Variants in SERPINA12 observed in about 807,000 individuals in gnomAD.
SERPINA12 encodes serpin A12.
Under a neutral mutation model 25.9 loss-of-function variants are expected in SERPINA12, and 21 were observed. The ratio of observed to expected loss-of-function variants is 0.81; its 90% confidence interval spans 0.58 to 1.17. SERPINA12 has a LOEUF of 1.17. Among genes scored for constraint, SERPINA12 ranks in the 50% most tolerant of loss-of-function variants. SERPINA12 has a pLI of 0.00. For missense variants in SERPINA12, 562 were observed against 508.3 expected (o/e 1.11, Z -1.02); for synonymous variants, 220 against 196.0 (o/e 1.12, Z -1.02).
At chr14:94,517,088 C>T (rs538927984) in intron 1 of SERPINA12, among the ~76,000 whole-genome samples, 17 of 152,350 alleles carry the variant, frequency 1.1e-4, no homozygotes, top group South Asian at 4.1e-4. Context: ...TGGCTCTCTG[C>T]GTCCCAGCAG....
chr14:94,489,256 G>GAGAGAAAGAGAT (rs1218824415), intron 4 of SERPINA12, among the ~76,000 whole-genome samples: 4 of 151,802 alleles, frequency 2.6e-5, no homozygotes, highest in African/African-American at 7.3e-5. Context: ...GAGAAAGAGA[G>GAGAGAAAGAGAT]AAAGAAAGAG....
In SERPINA12 at chr14:94,493,963, G is replaced by A. The variant is rs1595687875; in HGVS notation, c.905+2410C>T. Among the ~76,000 whole-genome samples the A allele has an allele frequency of 1.3e-5, 2 of 152,318 alleles. 1 individual carries two copies. The highest frequency in any genetic ancestry group is 1.3e-4 in the Admixed American group (2 of 15,310). On this transcript the variant is annotated intron_variant, in intron 3 of 4. Coordinates refer to ENST00000677451, the MANE Select transcript of SERPINA12 (RefSeq NM_001382267.1). ...AGGGCCTCAGTGAGGGGAATGTGAA[G>A]CCCCCAGTGTAGCACCTGAGCTGTA... is the stretch of plus-strand genomic sequence containing the variant.
intron 1 of SERPINA12, among the ~76,000 whole-genome samples, chr14:94,502,912 G>C (rs944908481): frequency 3.9e-5 from 6 of 152,160 alleles, no homozygotes; most frequent in African/African-American, 1.4e-4. Flanking sequence ...GGCCCTCTGA[G>C]ATGCCACCTT....
At chr14:94,499,327 T>C (rs777713086) in intron 1 of SERPINA12, among the ~76,000 whole-genome samples, 4 of 152,154 alleles carry the variant, frequency 2.6e-5, no homozygotes, top group Non-Finnish European at 5.9e-5. Flanking sequence ...GCTCCTTTCA[T>C]CCACCTCTCA....
intron 1 of SERPINA12, chr14:94,501,059 A>T: frequency 1.0e-6 from 1 of 985,432 alleles, no homozygotes; most frequent in Non-Finnish European, 1.2e-6. Context: ...GTGATGAACA[A>T]GGGCTCTATG....
intron 1 of SERPINA12, among the ~76,000 whole-genome samples, chr14:94,508,264 T>G (rs1020582828): frequency 6.6e-6 from 1 of 152,274 alleles, no homozygotes; most frequent in African/African-American, 2.4e-5. Flanking sequence ...TAATTGATTT[T>G]GAAAGAAAAT....
intron 4 of SERPINA12, 69 bp from the exon 5 acceptor site, chr14:94,487,563 G>C: frequency 3.0e-6 from 4 of 1,328,376 alleles, no homozygotes; most frequent in Non-Finnish European, 4.1e-6. Flanking sequence ...CGGAGGCCCA[G>C]AGAGGATCAG....
rs1445117727 is a variant in SERPINA12 at position 94,489,622 on chromosome 14, C to A, written c.1051G>T (p.Glu351Ter). Residue 351 changes from glutamate to a stop codon, truncating the protein, a stop_gained and splice_region_variant, in exon 4 of 5, where the codon GAG becomes TAG. Coordinates refer to ENST00000677451, the MANE Select transcript of SERPINA12 (RefSeq NM_001382267.1). LOFTEE classifies it low-confidence loss of function (END_TRUNC). ...IAPHRSLKVG[E>*]AVHKAELKMD... ...GAGTCCAGGCTAGGCAGGCTTACCT[C>A]GCCCACTTTCAGGCTGCGATGAGGG... The A allele has an allele frequency of 2.5e-6, 4 of 1,613,746 alleles. No homozygotes were observed. In the South Asian group the frequency reaches 3.3e-5, roughly 13 times the overall value.
chr14:94,490,667 T>G (rs1030893178), intron 3 of SERPINA12, among the ~76,000 whole-genome samples: 3 of 152,100 alleles, frequency 2.0e-5, no homozygotes, highest in Non-Finnish European at 4.4e-5. Flanking sequence ...CTTTTCTTCC[T>G]TTTATAGCAG....
In SERPINA12 at chr14:94,498,414, C is replaced by A; in HGVS notation, c.-17G>T. 6.2e-7 allele frequency: 1 copy of A among 1,609,262 alleles called. No individual in the cohort carries two copies. Among genetic ancestry groups the A allele is most frequent in the Non-Finnish European group, 8.5e-7 (1 of 1,177,520 alleles). On this transcript the variant is annotated 5_prime_UTR_variant, in exon 2 of 5. Transcript: ENST00000677451. The stretch of plus-strand genomic sequence containing the variant: ...GGGGTTCATTTTCCTTGAAGAATAT[C>A]CTGTTGAGTAGTAGACCTGAGGTCA...
intron 1 of SERPINA12, among the ~76,000 whole-genome samples, chr14:94,508,807 T>G (rs996491275): frequency 6.6e-6 from 1 of 152,090 alleles, no homozygotes; most frequent in Non-Finnish European, 1.5e-5. Context: ...AGTAAAAAAT[T>G]TGGGTAAATA....
chr14:94,498,541 T>TCA, intron 1 of SERPINA12, 111 bp from the exon 2 acceptor site: 1 of 860,332 alleles, frequency 1.2e-6, no homozygotes, highest in Non-Finnish European at 1.8e-6. Flanking sequence ...TACATAGCAG[T>TCA]TTATGAGTGC....
chr14:94,489,619 C>T lies in SERPINA12; in HGVS notation c.1053+1G>A. 7.4e-6 allele frequency: 12 copies of T among 1,613,800 alleles called. No individual in the cohort carries two copies. Among genetic ancestry groups the T allele is most frequent in the Non-Finnish European group, 1.0e-5 (12 of 1,179,854 alleles). The stretch of plus-strand genomic sequence containing the variant: ...GTGGAGTCCAGGCTAGGCAGGCTTA[C>T]CTCGCCCACTTTCAGGCTGCGATGA... On this transcript the variant is annotated splice_donor_variant, in intron 4 of 4. Coordinates refer to ENST00000677451, the MANE Select transcript of SERPINA12 (RefSeq NM_001382267.1). LOFTEE classifies it high-confidence loss of function.
chr14:94,495,406 A>G (rs1033847894), intron 3 of SERPINA12, among the ~76,000 whole-genome samples: 2 of 152,148 alleles, frequency 1.3e-5, no homozygotes, highest in Admixed American at 6.5e-5. Context: ...CACTCTAGAT[A>G]TAAGAGATGC....
intron 2 of SERPINA12, among the ~76,000 whole-genome samples, chr14:94,515,053 G>A (rs1421707551): frequency 6.6e-6 from 1 of 152,222 alleles, no homozygotes; most frequent in Non-Finnish European, 1.5e-5. Context: ...TGACTCAGTG[G>A]CTGAGTTGGA....
intron 3 of SERPINA12, 120 bp from the exon 4 acceptor site, chr14:94,489,887 C>T (rs567234271): frequency 2.2e-5 from 22 of 998,370 alleles, no homozygotes; most frequent in East Asian, 2.0e-4. Flanking sequence ...CAATCTCTCT[C>T]CATCCACAGA....
intron 3 of SERPINA12, among the ~76,000 whole-genome samples, chr14:94,492,658 C>T (rs768458129): frequency 8.5e-5 from 13 of 152,162 alleles, no homozygotes; most frequent in African/African-American, 1.4e-4. Flanking sequence ...AGGTCCAGTG[C>T]GTAAATGAGG....
At chr14:94,491,505 G>A (rs996764545) in intron 3 of SERPINA12, among the ~76,000 whole-genome samples, 1 of 152,120 alleles carries the variant, frequency 6.6e-6, no homozygotes, top group Non-Finnish European at 1.5e-5. Flanking sequence ...TGGTGGTGGT[G>A]TGTGTAGTGG....
At chr14:94,516,720 T>C (rs1345586109) in intron 1 of SERPINA12, among the ~76,000 whole-genome samples, 1 of 152,180 alleles carries the variant, frequency 6.6e-6, no homozygotes, top group Non-Finnish European at 1.5e-5. Flanking sequence ...TACCTTACAG[T>C]TTCTGTCCCC....
Sources: allele counts gnomAD v4.1 joint callset (sites outside exome capture counted in the v4.1 genomes callset), GRCh38; gene constraint gnomAD v4.1.1; transcripts MANE v1.5; gene names NCBI Gene and HGNC (gene_info 2026-07-23, HGNC 2026-07-21).